Variants in KIAA2012 observed in about 807,000 individuals in gnomAD.
The protein encoded by KIAA2012 is KIAA2012.
A neutral mutation model predicts 150.6 loss-of-function variants in KIAA2012; 125 were observed. That is an observed-to-expected ratio of 0.83 (90% CI 0.72 to 0.96). The LOEUF (loss-of-function observed/expected upper bound fraction) is 0.96. Ranked by LOEUF, KIAA2012 falls within the 40% of genes least tolerant of loss-of-function variation. The probability of loss-of-function intolerance (pLI) is 0.00; values close to 1 mark genes in which losing one functional copy is unlikely to be tolerated. For synonymous variants in KIAA2012, 462 were observed against 504.7 expected (o/e 0.92, Z 1.13); for missense variants, 1,219 against 1,354.9 (o/e 0.90, Z 1.57).
At chr2:202,105,297 G>GGAAT (rs1213815486) in intron 8 of KIAA2012, among the ~76,000 whole-genome samples, 3 of 151,570 alleles carry the variant, frequency 2.0e-5, no homozygotes, top group Non-Finnish European at 4.4e-5. Flanking sequence ...AAGGAAGGAA[G>GGAAT]GAATTTGTTC....
intron 12 of KIAA2012, among the ~76,000 whole-genome samples, chr2:202,126,214 A>G (rs551967112): frequency 6.6e-6 from 1 of 151,740 alleles, no homozygotes; most frequent in African/African-American, 2.4e-5. Flanking sequence ...CAGCCTCCCA[A>G]AGTACTGGGA....
chr2:202,179,678 C>A, intron 15 of KIAA2012: 1 of 660,488 alleles, frequency 1.5e-6, no homozygotes, highest in Non-Finnish European at 2.9e-6. Context: ...GGTGTTTGTC[C>A]ATTTGGAGTT....
intron 2 of KIAA2012, among the ~76,000 whole-genome samples, chr2:202,078,597 A>AT (rs1203563454): frequency 6.6e-6 from 1 of 152,078 alleles, no homozygotes; most frequent in Admixed American, 6.6e-5. Context: ...CCTGGAATGT[A>AT]TTTTTTTAAA....
At chr2:202,109,252 C>T (rs533734945) in intron 9 of KIAA2012, among the ~76,000 whole-genome samples, 1 of 152,286 alleles carries the variant, frequency 6.6e-6, no homozygotes, top group Admixed American at 6.5e-5. Context: ...GTCCTCCTTC[C>T]ATCTCAGGAT....
intron 12 of KIAA2012, among the ~76,000 whole-genome samples, chr2:202,131,719 G>C (rs1690933034): frequency 6.6e-6 from 1 of 152,200 alleles, no homozygotes; most frequent in African/African-American, 2.4e-5. Flanking sequence ...GGTAAAGAAA[G>C]GATGCTCTAG....
At chr2:202,183,046 A>G (rs943362686) in intron 15 of KIAA2012, among the ~76,000 whole-genome samples, 5 of 152,240 alleles carry the variant, frequency 3.3e-5, no homozygotes. Context: ...AGAGTAGCCC[A>G]ACACAGTCTG....
At chr2:202,184,170 G>A (rs1299647776) in intron 15 of KIAA2012, among the ~76,000 whole-genome samples, 1 of 152,070 alleles carries the variant, frequency 6.6e-6, no homozygotes, top group Non-Finnish European at 1.5e-5. Flanking sequence ...TGGATCACGA[G>A]GTCAGGAGTT....
chr2:202,171,554 T>G (rs1691893577), intron 15 of KIAA2012, among the ~76,000 whole-genome samples: 1 of 151,892 alleles, frequency 6.6e-6, no homozygotes, highest in Non-Finnish European at 1.5e-5. Flanking sequence ...CCCCGAAGGG[T>G]CACTTCTCCG....
At chr2:202,100,196 C>T in intron 6 of KIAA2012, 111 bp from the exon 7 acceptor site, 1 of 1,197,704 alleles carries the variant, frequency 8.3e-7, no homozygotes, top group South Asian at 1.5e-5. Context: ...AGTGCCCCAG[C>T]ACACTGCCTG....
At chr2:202,165,873 G>A (rs760508760) in intron 15 of KIAA2012, among the ~76,000 whole-genome samples, 1 of 152,068 alleles carries the variant, frequency 6.6e-6, no homozygotes, top group Non-Finnish European at 1.5e-5. Context: ...TGTTGTTTGG[G>A]GGATACCAGA....
chr2:202,150,667 T>C (rs1222235342), intron 13 of KIAA2012, among the ~76,000 whole-genome samples: 1 of 152,104 alleles, frequency 6.6e-6, no homozygotes, highest in Non-Finnish European at 1.5e-5. Context: ...AGGCTGGTCT[T>C]GAACTGCTGG....
intron 13 of KIAA2012, among the ~76,000 whole-genome samples, chr2:202,145,194 G>A (rs1691270936): frequency 6.6e-6 from 1 of 152,132 alleles, no homozygotes; most frequent in Non-Finnish European, 1.5e-5. Flanking sequence ...TGTTTCTAAA[G>A]TCAGCTGTCT....
chr2:202,202,339 T>C (rs1177691297), intron 22 of KIAA2012, 90 bp from the exon 23 acceptor site: 1 of 400,924 alleles, frequency 2.5e-6, no homozygotes, highest in Non-Finnish European at 4.4e-6. Context: ...CTGATAATTA[T>C]TCAAATCTAA....
At chr2:202,139,852 C>G (rs745824608) in intron 13 of KIAA2012, among the ~76,000 whole-genome samples, 1 of 152,204 alleles carries the variant, frequency 6.6e-6, no homozygotes, top group Non-Finnish European at 1.5e-5. Flanking sequence ...AAAGGCCATG[C>G]AAAGGCCTCA....
At chr2:202,185,643 A>G (rs1386482241) in intron 16 of KIAA2012, among the ~76,000 whole-genome samples, 1 of 152,156 alleles carries the variant, frequency 6.6e-6, no homozygotes, top group Non-Finnish European at 1.5e-5. Context: ...TTTTTAAATC[A>G]GGAGAAAAAA....
At chr2:202,133,130 A>ATTTT (rs60064904) in intron 12 of KIAA2012, among the ~76,000 whole-genome samples, 1,756 of 67,704 alleles carry the variant, frequency 0.026, 71 homozygotes, top group East Asian at 0.034. Context: ...ATATATATAT[A>ATTTT]TTTTTTTTTT....
chr2:202,160,961 T>A (rs1454844220), intron 14 of KIAA2012, among the ~76,000 whole-genome samples: 2 of 152,096 alleles, frequency 1.3e-5, no homozygotes, highest in Non-Finnish European at 2.9e-5. Context: ...TCCCAGCAGC[T>A]CCCTAAGAAA....
intron 13 of KIAA2012, among the ~76,000 whole-genome samples, chr2:202,143,224 A>T (rs1433634516): frequency 6.6e-6 from 1 of 151,740 alleles, no homozygotes. Flanking sequence ...AACTGGAATT[A>T]TAGGATCATG....
chr2:202,079,069 C>A (rs904799155), intron 2 of KIAA2012, among the ~76,000 whole-genome samples: 1 of 152,046 alleles, frequency 6.6e-6, no homozygotes, highest in African/African-American at 2.4e-5. Flanking sequence ...TGGTGATGCA[C>A]GCCTGTAATC....
Sources: gnomAD v4.1 joint callset for allele counts (sites outside exome capture counted in the v4.1 genomes callset) on GRCh38, gnomAD v4.1.1 for gene constraint, MANE v1.5 for transcripts, NCBI Gene and HGNC (gene_info 2026-07-23, HGNC 2026-07-21) for gene names.